METTL15: variants seen among roughly 807,000 people sequenced by gnomAD.
METTL15 encodes methyltransferase 15, mitochondrial 12S rRNA N4-cytidine.
In METTL15, 34 loss-of-function variants were observed where a neutral mutation model predicts 38.3. That is an observed-to-expected ratio of 0.89 (90% CI 0.68 to 1.18). The LOEUF (loss-of-function observed/expected upper bound fraction) is 1.18, where lower values mean the gene tolerates loss of function less well. Among genes scored for constraint, METTL15 ranks in the 50% most tolerant of loss-of-function variants. The pLI, the probability that METTL15 is intolerant of heterozygous loss-of-function variation, is 0.00. For synonymous variants in METTL15, 162 were observed against 170.9 expected (o/e 0.95, Z 0.41); for missense variants, 438 against 498.4 (o/e 0.88, Z 1.15).
rs1222198208 is a variant in METTL15 at position 28,332,615 on chromosome 11, C to T, written c.*1774C>T. Reference sequence around the variant, plus strand: ...TGTAAGTAGCTAAGATGAGGTCATACTGGAGCAGGGCAGGCCCTTAATCCA... The same window carrying T: ...TGTAAGTAGCTAAGATGAGGTCATATTGGAGCAGGGCAGGCCCTTAATCCA... On this transcript the variant is annotated 3_prime_UTR_variant, in exon 7 of 7. Transcript: ENST00000407364. 8.1e-5 allele frequency: 12 copies of T among 148,632 alleles called. No homozygotes were observed. Among genetic ancestry groups the T allele is most frequent in the Non-Finnish European group, 1.2e-4 (8 of 67,624 alleles). The allele number at this position is 148,632 out of a possible 1,614,324, so 9.2% of individuals were successfully genotyped here.
intron 6 of METTL15, among the ~76,000 whole-genome samples, chr11:28,440,457 T>C (rs1395289590): frequency 6.6e-6 from 1 of 152,192 alleles, no homozygotes; most frequent in Non-Finnish European, 1.5e-5. Context: ...TTTATATAAA[T>C]TAAGTTTAAA....
At chr11:28,342,098 G>C (rs747488479) in intron 3 of METTL15, among the ~76,000 whole-genome samples, 1 of 152,116 alleles carries the variant, frequency 6.6e-6, no homozygotes, top group African/African-American at 2.4e-5. Flanking sequence ...ATGTAAAAAA[G>C]AGTGACAACT....
At position 28,431,156 on chromosome 11, in the gene METTL15, G is replaced by T. The variant is rs1378621483; in HGVS notation, c.*424+6792G>T. Among the ~76,000 whole-genome samples, 4 of 87,406 alleles carry T rather than the reference G, an allele frequency of 4.6e-5. 1 individual carries two copies. Among genetic ancestry groups the T allele is most frequent in the African/African-American group, 1.4e-4 (4 of 29,194 alleles). The allele number at this position is 87,406 out of a possible 152,430, so 57.3% of individuals were successfully genotyped here. Reference sequence around the variant, plus strand: ...CAGCCGCCCCATCCGGGAGGGAGGTGGGGGGGTCAGCCCCCTGCCCGGCCA... The same window carrying T: ...CAGCCGCCCCATCCGGGAGGGAGGTTGGGGGGTCAGCCCCCTGCCCGGCCA... On this transcript the variant is annotated intron_variant and NMD_transcript_variant, in intron 6 of 7. Coordinates refer to the METTL15 transcript ENST00000532947.
At chr11:28,268,315 C>T (rs1855515136) in intron 4 of METTL15, among the ~76,000 whole-genome samples, 2 of 148,696 alleles carry the variant, frequency 1.3e-5, no homozygotes, top group Non-Finnish European at 3.0e-5. Flanking sequence ...TCATCAGTAA[C>T]TTAAATATAA....
In METTL15 at chr11:28,211,141, C is replaced by T. The variant is rs761093525; in HGVS notation, c.350C>T (p.Ala117Val). 4.3e-6 allele frequency: 7 copies of T among 1,612,834 alleles called. No individual in the cohort carries two copies. The highest frequency in any genetic ancestry group is 5.9e-6 in the Non-Finnish European group (7 of 1,179,180). Residue 117 changes from alanine (A) to valine (V), a missense_variant, in exon 4 of 7, where the codon GCC becomes GTC. By Grantham distance (64) the Ala-to-Val change is moderately conservative (BLOSUM62 0). Coordinates refer to ENST00000407364, the MANE Select transcript of METTL15 (RefSeq NM_001113528.2). ...LQKESDIVLY[A>V]LDRDPTAYAL... ...AAGGAGTCAGATATTGTTCTCTATG[C>T]CTTGGACAGAGACCCAACAGCTTAT...
intron 3 of METTL15, among the ~76,000 whole-genome samples, chr11:28,142,893 C>A (rs1179951074): frequency 1.3e-5 from 2 of 151,746 alleles, no homozygotes; most frequent in African/African-American, 2.4e-5. Flanking sequence ...TGAAAGGAGA[C>A]CAGTTAGAAA....
chr11:28,250,785 T>C (rs1291662056), intron 4 of METTL15, among the ~76,000 whole-genome samples: 2 of 152,044 alleles, frequency 1.3e-5, no homozygotes, highest in East Asian at 3.8e-4. Flanking sequence ...ATCTTCTCTC[T>C]TGTTATCAGT....
intron 3 of METTL15, among the ~76,000 whole-genome samples, chr11:28,170,904 C>T (rs12277597): frequency 6.6e-6 from 1 of 152,112 alleles, no homozygotes; most frequent in Admixed American, 6.6e-5. Flanking sequence ...AATGCCTAAC[C>T]TCCTGTGTTT....
chr11:28,311,672 A>G (rs188201404), intron 6 of METTL15, among the ~76,000 whole-genome samples: 9 of 152,368 alleles, frequency 5.9e-5, no homozygotes, highest in African/African-American at 1.4e-4. Context: ...CTCTGAATCT[A>G]TTTCTTCATC....
rs564129863 is a variant in METTL15 at position 28,297,699 on chromosome 11, T to C, written c.778+768T>C. ...AACTCTTGCAGTTATTTAACAGAAT[T>C]CCAATGGTAAAATTTTCATCTTGTT... On this transcript the variant is annotated intron_variant, in intron 6 of 6. Transcript: ENST00000407364. Among the ~76,000 whole-genome samples the C allele has an allele frequency of 3.8e-4, 58 of 152,282 alleles. 1 individual carries two copies. In the South Asian group the frequency reaches 0.012, roughly 30 times the overall value.
At chr11:28,317,472 A>G (rs1857519793) in intron 6 of METTL15, among the ~76,000 whole-genome samples, 1 of 152,174 alleles carries the variant, frequency 6.6e-6, no homozygotes, top group Admixed American at 6.5e-5. Context: ...CTGAATTAAT[A>G]TTTAAACCCT....
At chr11:28,436,548 T>G (rs964839630) in intron 6 of METTL15, among the ~76,000 whole-genome samples, 3 of 151,684 alleles carry the variant, frequency 2.0e-5, no homozygotes, top group African/African-American at 7.3e-5. Flanking sequence ...CCTCCATATA[T>G]CTCTGACATT....
downstream of METTL15, among the ~76,000 whole-genome samples, chr11:28,530,610 G>A (rs1022335357): frequency 2.6e-5 from 4 of 151,930 alleles, no homozygotes; most frequent in African/African-American, 9.7e-5. Flanking sequence ...CCAACATAAC[G>A]TCACTGAACA....
rs556545397 is a variant in METTL15 at position 28,216,751 on chromosome 11, C to T, written c.407+5553C>T. ...AACAGGCCCCAGTGTATGCTATTCC[C>T]CTTCCTGTGTCCAAGTGTTCTCATT... On this transcript the variant is annotated intron_variant, in intron 4 of 6. Transcript: ENST00000407364. Among the ~76,000 whole-genome samples, 76 of 136,260 alleles carry T rather than the reference C, an allele frequency of 5.6e-4. No homozygotes were observed. The Middle Eastern group carries it at 0.011, about 20-fold the overall frequency. 89.4% of individuals were successfully genotyped at this position (136,260 alleles called of 152,430 possible). A position where few individuals can be genotyped will look rare whatever the true frequency, so the allele number is the denominator to read the frequency against.
intron 4 of METTL15, among the ~76,000 whole-genome samples, chr11:28,220,864 T>C (rs1379518529): frequency 6.6e-6 from 1 of 152,196 alleles, no homozygotes; most frequent in Non-Finnish European, 1.5e-5. Context: ...GAAAATTGTT[T>C]TCTTTAAGAA....
Position 28,502,635 on chromosome 11 carries a change from A to G in METTL15, c.*425-23843A>G, listed in dbSNP as rs769843007. ...CATATTTTTATAAGATATGAATACA[A>G]TTTTGGTTATTTGCACATTGAGAAG... is the stretch of plus-strand genomic sequence containing the variant. On this transcript the variant is annotated intron_variant and NMD_transcript_variant, in intron 6 of 7. Coordinates refer to the METTL15 transcript ENST00000532947. 5.7e-4 allele frequency among the ~76,000 whole-genome samples: 87 copies of G among 152,246 alleles called. 1 individual carries two copies. Among genetic ancestry groups the G allele is most frequent in the Non-Finnish European group, 1.2e-3 (81 of 68,046 alleles).
At chr11:28,250,106 T>C (rs1158617928) in intron 4 of METTL15, among the ~76,000 whole-genome samples, 2 of 152,120 alleles carry the variant, frequency 1.3e-5, no homozygotes, top group Non-Finnish European at 2.9e-5. Context: ...TACTGCATTG[T>C]CTTTATTCAG....
intron 4 of METTL15, among the ~76,000 whole-genome samples, chr11:28,240,235 A>G (rs1026367234): frequency 4.6e-5 from 7 of 152,222 alleles, no homozygotes; most frequent in Non-Finnish European, 1.0e-4. Flanking sequence ...TCGTTCATTC[A>G]GCTGTTAAGT....
chr11:28,146,084 T>C (rs1849874156), intron 3 of METTL15, among the ~76,000 whole-genome samples: 1 of 152,134 alleles, frequency 6.6e-6, no homozygotes, highest in Non-Finnish European at 1.5e-5. Context: ...TTTATAGATA[T>C]ATTTGCAAGA....
Sources: allele counts gnomAD v4.1 joint callset (sites outside exome capture counted in the v4.1 genomes callset), GRCh38; gene constraint gnomAD v4.1.1; transcripts MANE v1.5; gene names NCBI Gene and HGNC (gene_info 2026-07-23, HGNC 2026-07-21).